Variants in DNAI3 observed in about 807,000 individuals in gnomAD.
DNAI3 encodes dynein axonemal intermediate chain 3, also known as WD repeat domain 63.
A neutral mutation model predicts 115.5 loss-of-function variants in DNAI3; 83 were observed. That is an observed-to-expected ratio of 0.72 (90% CI 0.60 to 0.86). The LOEUF (loss-of-function observed/expected upper bound fraction) is 0.86. Among genes scored for constraint, DNAI3 ranks in the 40% least tolerant of loss-of-function variants. DNAI3 has a pLI of 0.00. For missense variants in DNAI3, 1,004 were observed against 1,075.8 expected (o/e 0.93, Z 0.93); for synonymous variants, 320 against 347.0 (o/e 0.92, Z 0.86).
chr1:85,088,438 AT>A (rs1225420786), intron 7 of DNAI3, among the ~76,000 whole-genome samples: 1 of 152,164 alleles, frequency 6.6e-6, no homozygotes. Flanking sequence ...CAAGCAGGAA[AT>A]TGGGAAGGGT....
chr1:85,069,169 A>G (rs1414656662), intron 1 of DNAI3, among the ~76,000 whole-genome samples: 1 of 152,158 alleles, frequency 6.6e-6, no homozygotes, highest in East Asian at 1.9e-4. Flanking sequence ...TCCAGCCATC[A>G]TGACCTTCTT....
chr1:85,129,399 G>T (rs566707607), intron 21 of DNAI3, among the ~76,000 whole-genome samples: 22 of 151,698 alleles, frequency 1.5e-4, no homozygotes, highest in African/African-American at 4.6e-4. Context: ...CAGGCAAAAG[G>T]CTGTCTCTGC....
chr1:85,100,095 T>C (rs1247452331), intron 13 of DNAI3, among the ~76,000 whole-genome samples: 2 of 133,156 alleles, frequency 1.5e-5, no homozygotes, highest in East Asian at 4.7e-4. Flanking sequence ...CCAAAAGCAA[T>C]GGCAACAAAA....
chr1:85,124,590 G>A (rs1656078252), intron 19 of DNAI3, among the ~76,000 whole-genome samples: 2 of 152,116 alleles, frequency 1.3e-5, no homozygotes, highest in South Asian at 4.1e-4. Context: ...GAATGCAGTG[G>A]CGTGATCTCT....
chr1:85,099,774 A>G (rs987322191), intron 13 of DNAI3, among the ~76,000 whole-genome samples: 2 of 152,230 alleles, frequency 1.3e-5, no homozygotes, highest in Non-Finnish European at 2.9e-5. Context: ...CAAAACAGAG[A>G]TATAGATCAA....
intron 13 of DNAI3, among the ~76,000 whole-genome samples, chr1:85,103,634 C>T (rs1004062178): frequency 6.6e-6 from 1 of 152,048 alleles, no homozygotes; most frequent in Non-Finnish European, 1.5e-5. Flanking sequence ...TGCCTCTAAT[C>T]CCAGCATTTT....
rs1444219513 is a variant in DNAI3, at chr1:85,085,849, C to T, written c.559C>T (p.Arg187Ter). ...GTTACAGATTACATATATGATTTCT[C>T]GAAAACGAAGTGAATTTGGTGCACC... The part of the protein sequence containing the change: ...STKQITYMIS[R>*]KRSEFGAPIK... The change falls in exon 7 of 23, where the codon CGA (arginine) becomes TGA (stop). Residue 187 changes from arginine to a stop codon, truncating the protein, a stop_gained. Coordinates refer to ENST00000294664, the MANE Select transcript of DNAI3 (RefSeq NM_145172.5). LOFTEE classifies it high-confidence loss of function. 2.5e-6 allele frequency: 4 copies of T among 1,613,862 alleles called. No individual in the cohort carries two copies. Among genetic ancestry groups the T allele is most frequent in the African/African-American group, 1.3e-5 (1 of 74,892 alleles).
chr1:85,066,803 T>C (rs1036349871), intron 1 of DNAI3, among the ~76,000 whole-genome samples: 1 of 152,178 alleles, frequency 6.6e-6, no homozygotes, highest in Non-Finnish European at 1.5e-5. Context: ...ATTTATGAAA[T>C]ATTCAATTAA....
chr1:85,117,908 A>G, intron 17 of DNAI3, 49 bp downstream of exon 17: 1 of 1,578,580 alleles, frequency 6.3e-7, no homozygotes. Context: ...TTATACTAAA[A>G]TATGTTATTA....
At position 85,132,743 on chromosome 1, in the gene DNAI3, T is replaced by C. The variant is rs1656376904; in HGVS notation, c.2533-112T>C. 1.2e-5 allele frequency: 16 copies of C among 1,292,180 alleles called. No homozygotes were observed. In the South Asian group the frequency reaches 2.2e-4, roughly 18 times the overall value. 80.0% of individuals were successfully genotyped at this position (1,292,180 alleles called of 1,614,324 possible). ...TGCCTTCCTGCCCTCCATCCAGCCC[T>C]TTCCAGAAAACAGCAGCCAGGTCAA... On this transcript the variant is annotated intron_variant, in intron 22 of 22. Transcript: ENST00000294664.
chr1:85,108,315 T>A lies in DNAI3; in HGVS notation c.1698+138T>A, dbSNP rs189156358. 3.1e-6 allele frequency: 3 copies of A among 953,072 alleles called. No individual in the cohort carries two copies. In the African/African-American group the frequency reaches 5.0e-5, roughly 16 times the overall value. 59.0% of individuals were successfully genotyped at this position (953,072 alleles called of 1,614,324 possible). The stretch of plus-strand genomic sequence containing the variant: ...ACAAGACTGTACAATTTGTGTTTAT[T>A]CAACCAATAAATTCCTTGATTGGGA... On this transcript the variant is annotated intron_variant, in intron 15 of 22. Coordinates refer to ENST00000294664, the MANE Select transcript of DNAI3 (RefSeq NM_145172.5).
chr1:85,063,516 T>C (rs964312960), intron 1 of DNAI3, among the ~76,000 whole-genome samples: 4 of 152,206 alleles, frequency 2.6e-5, no homozygotes, highest in African/African-American at 9.7e-5. Flanking sequence ...TTTTGCAAAA[T>C]CTGGTGTATA....
intron 3 of DNAI3, among the ~76,000 whole-genome samples, chr1:85,073,765 T>C (rs1026241244): frequency 2.0e-5 from 3 of 152,210 alleles, no homozygotes; most frequent in Non-Finnish European, 2.9e-5. Flanking sequence ...CCATCTGACA[T>C]GTTTTTAAAG....
chr1:85,069,505 A>AAT (rs535191832), intron 1 of DNAI3, among the ~76,000 whole-genome samples: 193 of 152,214 alleles, frequency 1.3e-3, no homozygotes, highest in African/African-American at 4.5e-3. Flanking sequence ...ATAGTCACTC[A>AAT]ATATATATAT....
intron 6 of DNAI3, among the ~76,000 whole-genome samples, chr1:85,085,180 C>T (rs917172519): frequency 2.0e-5 from 3 of 152,166 alleles, no homozygotes; most frequent in Non-Finnish European, 4.4e-5. Flanking sequence ...GATTCTCCCT[C>T]AGAGCCTTCA....
At chr1:85,075,623 T>G (rs1654428941) in intron 3 of DNAI3, among the ~76,000 whole-genome samples, 2 of 152,116 alleles carry the variant, frequency 1.3e-5, no homozygotes, top group South Asian at 4.2e-4. Flanking sequence ...TGAGATCCCT[T>G]TTTCTAACAA....
chr1:85,074,881 A>T (rs1654404227), intron 3 of DNAI3, among the ~76,000 whole-genome samples: 2 of 152,184 alleles, frequency 1.3e-5, no homozygotes, highest in African/African-American at 4.8e-5. Flanking sequence ...TGGCCAAATC[A>T]TGGCAAACAG....
intron 17 of DNAI3, among the ~76,000 whole-genome samples, chr1:85,121,086 T>A (rs1003089771): frequency 6.6e-6 from 1 of 152,166 alleles, no homozygotes; most frequent in African/African-American, 2.4e-5. Flanking sequence ...TTCTCATCCA[T>A]CCAATGACAG....
At chr1:85,099,192 C>T (rs1655212361) in intron 13 of DNAI3, 3 of 935,078 alleles carry the variant, frequency 3.2e-6, no homozygotes, top group Middle Eastern at 1.1e-3. Flanking sequence ...CCTCACAAAG[C>T]ATGGGATCTA....
Sources: allele counts gnomAD v4.1 joint callset (sites outside exome capture counted in the v4.1 genomes callset), GRCh38; gene constraint gnomAD v4.1.1; transcripts MANE v1.5; gene names NCBI Gene and HGNC (gene_info 2026-07-23, HGNC 2026-07-21).